FNBP1L: variants seen among roughly 807,000 people sequenced by gnomAD.
FNBP1L encodes the protein formin-binding protein 1-like.
FNBP1L carries 36 observed loss-of-function variants against 91.2 expected under a neutral mutation model. The ratio of observed to expected loss-of-function variants is 0.39; its 90% CI spans 0.30 to 0.52. The LOEUF (loss-of-function observed/expected upper bound fraction) is 0.52. Ranked by LOEUF, FNBP1L falls within the 20% of genes least tolerant of loss-of-function variation. FNBP1L has a pLI of 0.66. For synonymous variants in FNBP1L, 242 were observed against 237.0 expected (o/e 1.02, Z -0.19); for missense variants, 571 against 732.1 (o/e 0.78, Z 2.54).
At chr1:93,514,033 C>T (rs1044708856) in intron 2 of FNBP1L, among the ~76,000 whole-genome samples, 4 of 151,994 alleles carry the variant, frequency 2.6e-5, no homozygotes, top group South Asian at 4.2e-4. Context: ...ACTGTCTCAG[C>T]CCAAAATCTC....
intron 3 of FNBP1L, 33 bp from the exon 4 acceptor site, chr1:93,523,311 G>GT: frequency 6.4e-7 from 1 of 1,571,126 alleles, no homozygotes; most frequent in Non-Finnish European, 8.6e-7. Flanking sequence ...GAAAATAAAA[G>GT]TAAGTCTCAC....
chr1:93,484,738 A>G (rs1351917794), intron 1 of FNBP1L, among the ~76,000 whole-genome samples: 1 of 152,224 alleles, frequency 6.6e-6, no homozygotes, highest in Non-Finnish European at 1.5e-5. Context: ...TAGATTTAAA[A>G]TAGTTAATCT....
intron 9 of FNBP1L, among the ~76,000 whole-genome samples, chr1:93,536,094 T>C (rs1163324712): frequency 2.6e-5 from 4 of 152,078 alleles, no homozygotes; most frequent in Non-Finnish European, 5.9e-5. Context: ...GAACTCTGTG[T>C]TTTTAATTTG....
chr1:93,456,157 G>T (rs945000899), intron 1 of FNBP1L, among the ~76,000 whole-genome samples: 5 of 152,118 alleles, frequency 3.3e-5, no homozygotes, highest in African/African-American at 1.2e-4. Context: ...TTTAGAATCT[G>T]TATGGAGCCC....
chr1:93,513,864 C>A (rs965590303), intron 2 of FNBP1L, among the ~76,000 whole-genome samples: 2 of 152,278 alleles, frequency 1.3e-5, no homozygotes, highest in Middle Eastern at 3.4e-3. Context: ...TGGCACAAGA[C>A]AGGGATGCCC....
intron 2 of FNBP1L, among the ~76,000 whole-genome samples, chr1:93,519,644 A>G (rs867780596): frequency 6.6e-6 from 1 of 152,218 alleles, no homozygotes; most frequent in Non-Finnish European, 1.5e-5. Flanking sequence ...GTAGTGACAT[A>G]TTAAATATCA....
At chr1:93,494,008 G>C (rs1019994231) in intron 1 of FNBP1L, among the ~76,000 whole-genome samples, 1 of 152,146 alleles carries the variant, frequency 6.6e-6, no homozygotes, top group Non-Finnish European at 1.5e-5. Flanking sequence ...CTATCTGTCT[G>C]GAGTTGGTAC....
intron 6 of FNBP1L, among the ~76,000 whole-genome samples, chr1:93,530,510 G>A (rs543929804): frequency 2.8e-4 from 43 of 152,088 alleles, no homozygotes; most frequent in Non-Finnish European, 5.6e-4. Context: ...GAATACTATT[G>A]TAATGAGAGA....
At chr1:93,460,405 CTTTATAAA>C (rs1196723507) in intron 1 of FNBP1L, among the ~76,000 whole-genome samples, 1 of 152,174 alleles carries the variant, frequency 6.6e-6, no homozygotes, top group African/African-American at 2.4e-5. Context: ...AATTTCTGTT[CTTTATAAA>C]TTACCCAGTC....
At chr1:93,458,645 T>G (rs1295186687) in intron 1 of FNBP1L, among the ~76,000 whole-genome samples, 1 of 152,056 alleles carries the variant, frequency 6.6e-6, no homozygotes, top group African/African-American at 2.4e-5. Context: ...CTAAAAAGCT[T>G]CTACACAACA....
chr1:93,541,702 G>A (rs1672052281), intron 11 of FNBP1L, among the ~76,000 whole-genome samples: 1 of 152,042 alleles, frequency 6.6e-6, no homozygotes, highest in Admixed American at 6.6e-5. Context: ...TGTATAGGAA[G>A]CTACTGGAAA....
chr1:93,536,351 C>T lies in FNBP1L; in HGVS notation c.1010C>T (p.Thr337Ile), dbSNP rs534976924. ...KKPKPQSPPL[T>I]PTSLFTSSTP... Reference sequence around the variant, plus strand: ...TATTAGCCACAGTCCCCACCCTTAACCCCTACTAGTTTATTCACATCCAGT... The same window carrying T: ...TATTAGCCACAGTCCCCACCCTTAATCCCTACTAGTTTATTCACATCCAGT... The change falls in exon 10 of 17, where the codon ACC (threonine) becomes ATC (isoleucine). Residue 337 changes from threonine to isoleucine, a missense_variant. By Grantham distance (89) the Thr-to-Ile change is moderately conservative. Coordinates refer to ENST00000271234, the MANE Select transcript of FNBP1L (RefSeq NM_001164473.3). 11 of 1,542,690 alleles carry T rather than the reference C, an allele frequency of 7.1e-6. No individual in the cohort carries two copies. In the East Asian group the frequency reaches 2.7e-4, roughly 38 times the overall value.
intron 1 of FNBP1L, among the ~76,000 whole-genome samples, chr1:93,478,766 A>G (rs1669585324): frequency 1.3e-5 from 2 of 152,318 alleles, no homozygotes; most frequent in Non-Finnish European, 1.5e-5. Context: ...ACAAATATTG[A>G]AAGGTGTTGG....
chr1:93,490,564 A>C (rs1365431997), intron 1 of FNBP1L, among the ~76,000 whole-genome samples: 1 of 152,192 alleles, frequency 6.6e-6, no homozygotes, highest in Non-Finnish European at 1.5e-5. Context: ...TATTTAAGAC[A>C]AGGAAATGAG....
chr1:93,467,673 G>A (rs1008239076), intron 1 of FNBP1L, among the ~76,000 whole-genome samples: 3 of 152,130 alleles, frequency 2.0e-5, no homozygotes, highest in Admixed American at 6.6e-5. Flanking sequence ...TACTTAGGAG[G>A]CTGAGGTGGG....
At chr1:93,487,870 C>T (rs769593744) in intron 1 of FNBP1L, among the ~76,000 whole-genome samples, 1 of 152,092 alleles carries the variant, frequency 6.6e-6, no homozygotes, top group African/African-American at 2.4e-5. Context: ...ATTTTTTTAT[C>T]GTGTATCTTC....
chr1:93,489,056 G>A (rs1250163648), intron 1 of FNBP1L, among the ~76,000 whole-genome samples: 1 of 152,132 alleles, frequency 6.6e-6, no homozygotes, highest in Non-Finnish European at 1.5e-5. Flanking sequence ...AAGTCCCTTA[G>A]GTAATAGACA....
At position 93,550,972 on chromosome 1, in the gene FNBP1L, G is replaced by C. The variant is rs369820145; in HGVS notation, c.1677G>C (p.Met559Ile). Residue 559 changes from methionine to isoleucine, a missense_variant, in exon 16 of 17, where the codon ATG (methionine) becomes ATC (isoleucine). Met to Ile is a conservative substitution (Grantham distance 10, BLOSUM62 1). This residue lies in a region of FNBP1L where 189 missense variants were observed against 219.7 expected (regional missense o/e 0.86). Transcript: ENST00000271234. ...GACATAATGAAGGTACTCTAGCAATGAAAGAAGGTGAAGTTCTCTACATTA... is the reference window on the plus strand; with the variant it reads ...GACATAATGAAGGTACTCTAGCAATCAAAGAAGGTGAAGTTCTCTACATTA... The part of the protein sequence containing the change: ...FDGHNEGTLA[M>I]KEGEVLYIIE... 16 of 1,599,914 alleles carry C rather than the reference G, an allele frequency of 1.0e-5. No individual in the cohort carries two copies. The South Asian group carries it at 1.8e-4, about 18-fold the overall frequency.
intron 1 of FNBP1L, among the ~76,000 whole-genome samples, chr1:93,453,914 A>G (rs779580240): frequency 3.3e-5 from 5 of 152,242 alleles, no homozygotes; most frequent in African/African-American, 7.2e-5. Context: ...ATGAGCCTCA[A>G]AGCAACCCTA....
Sources: gnomAD v4.1 joint callset for allele counts (sites outside exome capture counted in the v4.1 genomes callset) on GRCh38, gnomAD v4.1.1 for gene constraint, gnomAD v4.1.1 regional missense constraint, MANE v1.5 for transcripts, NCBI Gene and HGNC (gene_info 2026-07-23, HGNC 2026-07-21) for gene names.